CLDN10: variants seen among roughly 807,000 people sequenced by gnomAD.
CLDN10 encodes claudin-10.
In CLDN10, 15 loss-of-function variants were observed where a neutral mutation model predicts 22.9. That is an observed-to-expected ratio of 0.65 (90% CI 0.44 to 1.01). CLDN10 has a LOEUF of 1.01. Ranked by LOEUF, CLDN10 falls within the 50% of genes least tolerant of loss-of-function variation. CLDN10 has a pLI of 0.00. For missense variants in CLDN10, 247 were observed against 287.8 expected (o/e 0.86, Z 1.03); for synonymous variants, 114 against 111.4 (o/e 1.02, Z -0.15).
upstream of CLDN10, among the ~76,000 whole-genome samples, chr13:95,547,946 C>T (rs2043526700): frequency 6.6e-6 from 1 of 152,176 alleles, no homozygotes; most frequent in Non-Finnish European, 1.5e-5. Context: ...CTACTCTCCT[C>T]TCCTTGATGT....
intron 1 of CLDN10, among the ~76,000 whole-genome samples, chr13:95,499,866 G>A (rs2042966969): frequency 1.3e-5 from 2 of 152,164 alleles, no homozygotes; most frequent in Non-Finnish European, 2.9e-5. Flanking sequence ...CACATTGGAA[G>A]AATTGTCTTG....
chr13:95,487,154 T>C (rs1189099169), intron 1 of CLDN10, among the ~76,000 whole-genome samples: 2 of 152,220 alleles, frequency 1.3e-5, no homozygotes, highest in Non-Finnish European at 2.9e-5. Flanking sequence ...CAGCCTATGA[T>C]GTCATTTCTA....
intron 3 of CLDN10, among the ~76,000 whole-genome samples, chr13:95,566,412 A>G (rs561200819): frequency 6.6e-6 from 1 of 152,338 alleles, no homozygotes; most frequent in East Asian, 1.9e-4. Context: ...TGTTGGCTGC[A>G]TAAATGTCTT....
chr13:95,526,382 C>G (rs1367115587), intron 1 of CLDN10, among the ~76,000 whole-genome samples: 1 of 152,120 alleles, frequency 6.6e-6, no homozygotes, highest in Non-Finnish European at 1.5e-5. Context: ...TGTAGACGGA[C>G]TTGTCCACTG....
At chr13:95,441,076 G>C (rs1323808718) in intron 1 of CLDN10, among the ~76,000 whole-genome samples, 1 of 152,218 alleles carries the variant, frequency 6.6e-6, no homozygotes, top group African/African-American at 2.4e-5. Flanking sequence ...GTCTGGCTTA[G>C]AAGGCACTCA....
intron 3 of CLDN10, among the ~76,000 whole-genome samples, chr13:95,563,291 AATTATT>A (rs1555300175): frequency 2.0e-5 from 3 of 151,974 alleles, no homozygotes; most frequent in Non-Finnish European, 4.4e-5. Context: ...GTGTTATATT[AATTATT>A]ATTAAGATTG....
chr13:95,437,639 T>G (rs910055882), intron 1 of CLDN10, among the ~76,000 whole-genome samples: 1 of 152,152 alleles, frequency 6.6e-6, no homozygotes, highest in Admixed American at 6.5e-5. Context: ...GCAAAATGAC[T>G]GAATTAACCA....
chr13:95,445,255 C>T (rs1454506132), intron 1 of CLDN10, among the ~76,000 whole-genome samples: 2 of 152,234 alleles, frequency 1.3e-5, no homozygotes, highest in African/African-American at 4.8e-5. Context: ...GAATGGCTGA[C>T]ACCTAAGATG....
intron 1 of CLDN10, among the ~76,000 whole-genome samples, chr13:95,514,142 C>T (rs962028317): frequency 6.6e-6 from 1 of 152,152 alleles, no homozygotes. Flanking sequence ...CCTGTAATCC[C>T]AGCTACTTCT....
chr13:95,513,030 C>T (rs2043121126), intron 1 of CLDN10, among the ~76,000 whole-genome samples: 1 of 152,126 alleles, frequency 6.6e-6, no homozygotes, highest in African/African-American at 2.4e-5. Flanking sequence ...AGCATGCCAC[C>T]ACACCCAGCT....
rs542202831 is a variant in CLDN10 at position 95,546,404 on chromosome 13, T to C, written c.215-13728T>C. On this transcript the variant is annotated intron_variant, in intron 1 of 4. Coordinates refer to the CLDN10 transcript ENST00000376873. ...CAATGGGAATGAAAATAGTACCCCA[T>C]TGCATGGAGTTTTTATTAAATAGTA... 9.2e-5 allele frequency among the ~76,000 whole-genome samples: 14 copies of C among 152,266 alleles called. No individual in the cohort carries two copies. In the South Asian group the frequency reaches 2.5e-3, roughly 27 times the overall value.
chr13:95,542,580 G>A (rs1202452777), intron 1 of CLDN10, among the ~76,000 whole-genome samples: 1 of 152,214 alleles, frequency 6.6e-6, no homozygotes, highest in Non-Finnish European at 1.5e-5. Context: ...GCCAAAGCGG[G>A]TGAATCACTT....
intron 1 of CLDN10, among the ~76,000 whole-genome samples, chr13:95,455,917 C>T (rs1471313645): frequency 6.6e-6 from 1 of 152,172 alleles, no homozygotes; most frequent in Non-Finnish European, 1.5e-5. Context: ...AACCTCAGGC[C>T]TGGCTGAAGG....
intron 1 of CLDN10, among the ~76,000 whole-genome samples, chr13:95,472,593 C>T (rs1198059236): frequency 6.6e-6 from 1 of 150,938 alleles, no homozygotes; most frequent in Non-Finnish European, 1.5e-5. Context: ...TTGCTTAAAC[C>T]CAGGAGGCAG....
At chr13:95,512,570 G>C (rs1387202170) in intron 1 of CLDN10, among the ~76,000 whole-genome samples, 2 of 152,196 alleles carry the variant, frequency 1.3e-5, no homozygotes, top group African/African-American at 2.4e-5. Context: ...CTGTATCTTA[G>C]TTTGTGCCAC....
intron 1 of CLDN10, among the ~76,000 whole-genome samples, chr13:95,438,003 C>T (rs1566644673): frequency 6.6e-6 from 1 of 152,170 alleles, no homozygotes; most frequent in Non-Finnish European, 1.5e-5. Flanking sequence ...TAAAAGTATC[C>T]TCTATTATAA....
In CLDN10 at chr13:95,484,465, G is replaced by A. The variant is rs146446667; in HGVS notation, c.214+50418G>A. 2.7e-3 allele frequency among the ~76,000 whole-genome samples: 413 copies of A among 152,200 alleles called. 1 individual carries two copies. The highest frequency in any genetic ancestry group is 9.4e-3 in the African/African-American group (390 of 41,526). On this transcript the variant is annotated intron_variant, in intron 1 of 4. Transcript: ENST00000376873. Reference sequence around the variant, plus strand: ...AAAATATTTCATAGTCTGTCATTATGAATAATTTTATATGTCATTCCCCTG... The same window carrying A: ...AAAATATTTCATAGTCTGTCATTATAAATAATTTTATATGTCATTCCCCTG...
chr13:95,502,358 C>A (rs899182860), intron 1 of CLDN10, among the ~76,000 whole-genome samples: 3 of 152,202 alleles, frequency 2.0e-5, no homozygotes, highest in Non-Finnish European at 4.4e-5. Flanking sequence ...TTTCTCACCT[C>A]TCAAATGTCT....
At chr13:95,537,426 A>G (rs2043412476) in intron 1 of CLDN10, among the ~76,000 whole-genome samples, 2 of 152,170 alleles carry the variant, frequency 1.3e-5, no homozygotes, top group African/African-American at 4.8e-5. Context: ...GGTCTCAGCT[A>G]TTACTGTAGC....
Sources: gnomAD v4.1 joint callset for allele counts (sites outside exome capture counted in the v4.1 genomes callset) on GRCh38, gnomAD v4.1.1 for gene constraint, MANE v1.5 for transcripts, NCBI Gene and HGNC (gene_info 2026-07-23, HGNC 2026-07-21) for gene names.